TEX13C: variants seen among roughly 807,000 people sequenced by gnomAD.
TEX13C encodes TEX13 family member C.
For missense variants in TEX13C, 480 were observed against 298.7 expected (o/e 1.61, Z -4.47); for synonymous variants, 219 against 116.6 (o/e 1.88, Z -5.65).
chrX:125,322,483 G>A (rs890444511), exon 1 of TEX13C: 5 of 513,700 alleles, frequency 9.7e-6, no homozygotes, highest in Non-Finnish European at 1.7e-5. Flanking sequence ...CTCCCCTGAC[G>A]TTTAGCAGGA....
At chrX:125,321,696 TGAA>T in exon 1 of TEX13C, 1 of 496,787 alleles carries the variant, frequency 2.0e-6, no homozygotes, top group Non-Finnish European at 3.5e-6. Flanking sequence ...AGTCACAGGA[TGAA>T]GAAAGATCCA....
At chrX:125,320,409 T>G (rs1298434635) in exon 1 of TEX13C, 1 of 514,823 alleles carries the variant, frequency 1.9e-6, no homozygotes, top group African/African-American at 2.3e-5. Context: ...CAAGGGCATG[T>G]GGAGGAGTGC....
exon 1 of TEX13C, chrX:125,320,872 A>G (rs2018829696): frequency 5.8e-6 from 3 of 513,460 alleles, no homozygotes; most frequent in African/African-American, 2.3e-5. Context: ...TACCACCCCC[A>G]GTAGTAATGG....
chrX:125,323,077 G>A (rs2018864405), exon 1 of TEX13C: 2 of 510,719 alleles, frequency 3.9e-6, no homozygotes, highest in Non-Finnish European at 7.0e-6. Context: ...TGCCAGTTGA[G>A]AATGGCAGCG....
exon 1 of TEX13C, chrX:125,320,954 G>A (rs906920877): frequency 2.1e-5 from 11 of 513,972 alleles, no homozygotes; most frequent in Non-Finnish European, 3.8e-5. Context: ...GGCCACAGTG[G>A]GATCCCAGGA....
At chrX:125,320,937 G>T in exon 1 of TEX13C, 1 of 515,584 alleles carries the variant, frequency 1.9e-6, no homozygotes, top group African/African-American at 2.3e-5. Context: ...TATCCACCTG[G>T]TCTTTGGGCC....
At chrX:125,320,104 C>G (rs1315934935), upstream of TEX13C, 1 of 464,198 alleles carries the variant, frequency 2.2e-6, no homozygotes, top group East Asian at 3.7e-5. Context: ...AGCTGCTTGA[C>G]TAGGCCGCAG....
exon 1 of TEX13C, chrX:125,320,152 G>T (rs1281940072): frequency 4.0e-6 from 2 of 495,239 alleles, no homozygotes; most frequent in Non-Finnish European, 7.3e-6. Flanking sequence ...ATGCCAGCGG[G>T]TTCCGCCATG....
At chrX:125,322,258 G>A in exon 1 of TEX13C, 1 of 500,919 alleles carries the variant, frequency 2.0e-6, no homozygotes, top group South Asian at 2.5e-5. Flanking sequence ...GCCATAGCCT[G>A]AAGAAAGATC....
rs1271621662 is a variant in TEX13C at position 125,320,962 on chromosome X, G to A, written c.843G>A (p.Gln281=). The change falls in exon 1 of 1, where the codon CAG becomes CAA. Residue 281 remains glutamine, a synonymous_variant. Transcript: ENST00000632600. The stretch of plus-strand genomic sequence containing the variant: ...GTCTTTGGGCCACAGTGGGATCCCA[G>A]GAGGAGACGGCCCCTCCGTGGGACC... The A allele has an allele frequency of 1.9e-5, 10 of 514,092 alleles. No individual in the cohort carries two copies. The South Asian group carries it at 2.5e-4, about 13-fold the overall frequency. 42.4% of individuals were successfully genotyped at this position (514,092 alleles called of 1,213,427 possible).
chrX:125,320,853 C>T, exon 1 of TEX13C: 1 of 515,330 alleles, frequency 1.9e-6, no homozygotes, highest in Non-Finnish European at 3.5e-6. Context: ...CTGCCATACT[C>T]AACACCTCTA....
exon 1 of TEX13C, chrX:125,323,673 G>C (rs2018868727): frequency 8.9e-6 from 1 of 111,824 alleles, no homozygotes; most frequent in African/African-American, 3.3e-5. Context: ...CTGCAGTGTT[G>C]ATTTTTGCTT....
exon 1 of TEX13C, chrX:125,321,487 G>T: frequency 1.9e-6 from 1 of 513,188 alleles, no homozygotes; most frequent in East Asian, 3.6e-5. Context: ...TCCCCCTGGG[G>T]GACAGCAACA....
rs777052668 is a variant in TEX13C at position 125,322,918 on chromosome X, G to T, written c.2799G>T (p.Lys933Asn). Residue 933 changes from lysine to asparagine, a missense_variant, in exon 1 of 1, where the codon AAG (lysine) becomes AAT (asparagine). Physicochemically the swap from Lys to Asn is moderately conservative, Grantham distance 94. Transcript: ENST00000632600. ...GGAAACACCAGCCTCAGGGGCAGAA[G>T]GTCAAGGAACAAAAAAGGAAAAAGG... 1.5e-4 allele frequency: 75 copies of T among 513,717 alleles called. No individual in the cohort carries two copies. In the African/African-American group the frequency reaches 1.7e-3, roughly 11 times the overall value. The allele number at this position is 513,717 out of a possible 1,213,427, so 42.3% of individuals were successfully genotyped here. A position where few individuals can be genotyped will look rare whatever the true frequency, so the allele number is the denominator to read the frequency against.
exon 1 of TEX13C, chrX:125,323,289 A>C (rs765150768): frequency 3.8e-5 from 15 of 391,667 alleles, no homozygotes; most frequent in Non-Finnish European, 5.7e-5. Context: ...TATCATTGTG[A>C]GTATACATAC....
chrX:125,323,452 A>C (rs2018867230), exon 1 of TEX13C: 1 of 127,110 alleles, frequency 7.9e-6, no homozygotes, highest in South Asian at 3.2e-4. Flanking sequence ...GCTGATACTA[A>C]TTGGTTGACA....
chrX:125,321,320 A>T (rs1219906391), exon 1 of TEX13C: 1 of 513,250 alleles, frequency 1.9e-6, no homozygotes, highest in Non-Finnish European at 3.5e-6. Flanking sequence ...CCACAGCCTG[A>T]CGAAAAATCC....
At position 125,322,603 on chromosome X, in the gene TEX13C, C is replaced by T. The variant is rs28657589; in HGVS notation, c.2484C>T (p.Pro828=). Reference sequence around the variant, plus strand: ...TAGTGATGCCCGAGGAGATGGTCCCCCTGGGGGACAGCAACAGCCACAGCA... The same window carrying T: ...TAGTGATGCCCGAGGAGATGGTCCCTCTGGGGGACAGCAACAGCCACAGCA... The change falls in exon 1 of 1, where the codon CCC becomes CCT. Residue 828 remains proline, a synonymous_variant. Coordinates refer to ENST00000632600, the Ensembl canonical transcript of TEX13C. 0.014 allele frequency: 6,996 copies of T among 510,564 alleles called. 355 individuals are homozygous for T. The African/African-American group carries it at 0.14, about 10-fold the overall frequency. The allele number at this position is 510,564 out of a possible 1,213,427, so 42.1% of individuals were successfully genotyped here. A position where few individuals can be genotyped will look rare whatever the true frequency, so the allele number is the denominator to read the frequency against.
At chrX:125,323,063 C>T (rs950841810) in exon 1 of TEX13C, 8 of 513,217 alleles carry the variant, frequency 1.6e-5, no homozygotes, top group East Asian at 1.4e-4. Flanking sequence ...CAAGAGAGTC[C>T]GTATGCCAGT....
Sources: gnomAD v4.1 joint callset for allele counts on GRCh38, gnomAD v4.1.1 for gene constraint, MANE v1.5 for transcripts, NCBI Gene and HGNC (gene_info 2026-07-23, HGNC 2026-07-21) for gene names.